Variants in PAPSS1 observed in about 807,000 individuals in gnomAD.
PAPSS1 encodes bifunctional 3'-phosphoadenosine 5'-phosphosulfate synthase 1.
Under a neutral mutation model 72.0 loss-of-function variants are expected in PAPSS1, and 50 were observed. That is an observed-to-expected ratio of 0.69 (90% confidence interval 0.55 to 0.88). The LOEUF is 0.88. Ranked by LOEUF, PAPSS1 falls within the 40% of genes least tolerant of loss-of-function variation. The pLI is 0.00. For missense variants in PAPSS1, 657 were observed against 782.2 expected, an observed-to-expected ratio of 0.84 and a Z score of 1.91; for synonymous variants, 261 against 263.6, an observed-to-expected ratio of 0.99 and a Z score of 0.09.
At chr4:107,685,336 C>G (rs1310590265) in intron 4 of PAPSS1, among the ~76,000 whole-genome samples, 1 of 152,100 alleles carries the variant, frequency 6.6e-6, no homozygotes, top group Non-Finnish European at 1.5e-5. Flanking sequence ...CACAAGTAGC[C>G]TACTCCAGCC....
chr4:107,685,344 G>A (rs1722752749), intron 4 of PAPSS1, among the ~76,000 whole-genome samples: 1 of 152,118 alleles, frequency 6.6e-6, no homozygotes, highest in Admixed American at 6.6e-5. Flanking sequence ...GCCTACTCCA[G>A]CCAGGATGAC....
At chr4:107,703,383 T>C (rs1723254331) in intron 1 of PAPSS1, among the ~76,000 whole-genome samples, 3 of 150,190 alleles carry the variant, frequency 2.0e-5, no homozygotes, top group African/African-American at 4.9e-5. Flanking sequence ...TCTATTTTCA[T>C]GTTTGTTGCT....
chr4:107,684,972 T>C (rs529373592), intron 4 of PAPSS1, among the ~76,000 whole-genome samples: 85 of 152,164 alleles, frequency 5.6e-4, no homozygotes, highest in East Asian at 9.7e-4. Context: ...GTGGCACAAT[T>C]TCGGCTCACT....
intron 10 of PAPSS1, among the ~76,000 whole-genome samples, chr4:107,639,398 T>C (rs1421261319): frequency 6.6e-6 from 1 of 152,178 alleles, no homozygotes; most frequent in Non-Finnish European, 1.5e-5. Flanking sequence ...AACTCAGTTT[T>C]GTAACTCACT....
intron 5 of PAPSS1, 23 bp downstream of exon 5, chr4:107,681,992 T>C (rs753659389): frequency 8.6e-7 from 1 of 1,166,454 alleles, no homozygotes; most frequent in Non-Finnish European, 1.3e-6. Flanking sequence ...TCTCTGATGA[T>C]TCCTTCTTTC....
chr4:107,710,450 T>G (rs1338440397), intron 1 of PAPSS1, among the ~76,000 whole-genome samples: 1 of 152,202 alleles, frequency 6.6e-6, no homozygotes, highest in Non-Finnish European at 1.5e-5. Flanking sequence ...GCCTATATAT[T>G]ATTTCCTAGA....
At chr4:107,709,147 A>G (rs1723422700) in intron 1 of PAPSS1, among the ~76,000 whole-genome samples, 1 of 152,198 alleles carries the variant, frequency 6.6e-6, no homozygotes, top group Non-Finnish European at 1.5e-5. Flanking sequence ...TTTAAATTTA[A>G]TTCAGCTAAA....
At chr4:107,694,091 G>T in intron 2 of PAPSS1, 85 bp from the exon 3 acceptor site, 2 of 984,330 alleles carry the variant, frequency 2.0e-6, no homozygotes, top group Non-Finnish European at 3.0e-6. Flanking sequence ...CCAGAAACAA[G>T]AGTCTTGCTC....
At chr4:107,640,284 T>TC (rs897174920) in intron 10 of PAPSS1, among the ~76,000 whole-genome samples, 3 of 152,118 alleles carry the variant, frequency 2.0e-5, no homozygotes, top group Non-Finnish European at 4.4e-5. Context: ...CCTCCTCCAT[T>TC]CCTGAAATGG....
At position 107,720,231 on chromosome 4, in the gene PAPSS1, AGAG is replaced by A; in HGVS notation, c.-55_-53del. On this transcript the variant is annotated 5_prime_UTR_variant, in exon 1 of 12. Coordinates refer to ENST00000265174, the MANE Select transcript of PAPSS1 (RefSeq NM_005443.5). Reference sequence around the variant, plus strand: ...GGTTCTCTGCGCCGGGAGGGTAGCAAGAGGAGGGCAGGCCAGCGAGCGGGGCGG... The same window carrying A: ...GGTTCTCTGCGCCGGGAGGGTAGCAAGAGGGCAGGCCAGCGAGCGGGGCGG... 1 of 1,557,042 alleles carries A rather than the reference AGAG, an allele frequency of 6.4e-7. No homozygotes were observed. Among genetic ancestry groups the A allele is most frequent in the Non-Finnish European group, 8.7e-7 (1 of 1,147,218 alleles).
chr4:107,686,499 CAT>C (rs1157433135), intron 4 of PAPSS1, among the ~76,000 whole-genome samples: 1 of 152,140 alleles, frequency 6.6e-6, no homozygotes, highest in African/African-American at 2.4e-5. Context: ...TGAAACCACA[CAT>C]GTGGAATGCA....
chr4:107,687,991 A>C (rs1343803803), intron 3 of PAPSS1, among the ~76,000 whole-genome samples: 3 of 149,388 alleles, frequency 2.0e-5, no homozygotes, highest in Non-Finnish European at 4.5e-5. Flanking sequence ...AAAAAAAAAA[A>C]CAAATCTCCA....
intron 7 of PAPSS1, 96 bp downstream of exon 7, chr4:107,656,800 C>T (rs946902005): frequency 2.2e-5 from 18 of 819,926 alleles, no homozygotes; most frequent in Admixed American, 1.1e-4. Context: ...TCTATTAAGA[C>T]GTTACCCTAC....
At chr4:107,688,925 G>A (rs989573100) in intron 3 of PAPSS1, among the ~76,000 whole-genome samples, 4 of 152,020 alleles carry the variant, frequency 2.6e-5, no homozygotes, top group Admixed American at 1.3e-4. Flanking sequence ...CCCAAATCAA[G>A]GAAGACCACA....
At chr4:107,644,656 C>T (rs1726644562) in intron 10 of PAPSS1, 146 bp downstream of exon 10, 1 of 730,214 alleles carries the variant, frequency 1.4e-6, no homozygotes, top group African/African-American at 1.8e-5. Context: ...AGGGAATATC[C>T]CTAACGAGCA....
chr4:107,636,122 C>T (rs1426877938), intron 10 of PAPSS1, among the ~76,000 whole-genome samples: 1 of 152,032 alleles, frequency 6.6e-6, no homozygotes, highest in African/African-American at 2.4e-5. Flanking sequence ...GTCAAACAAC[C>T]CAAGCAATTT....
chr4:107,677,503 T>C (rs1260202717), intron 5 of PAPSS1, among the ~76,000 whole-genome samples: 1 of 152,172 alleles, frequency 6.6e-6, no homozygotes, highest in East Asian at 1.9e-4. Flanking sequence ...CTCACACCAG[T>C]TAGAATGGCG....
chr4:107,711,508 T>C (rs1723495357), intron 1 of PAPSS1, among the ~76,000 whole-genome samples: 1 of 152,252 alleles, frequency 6.6e-6, no homozygotes, highest in Admixed American at 6.5e-5. Context: ...TTGTGCATTT[T>C]TAAGTGAAAT....
intron 1 of PAPSS1, among the ~76,000 whole-genome samples, chr4:107,709,466 T>C (rs1723430856): frequency 6.6e-6 from 1 of 152,190 alleles, no homozygotes; most frequent in African/African-American, 2.4e-5. Context: ...AAACCATCTT[T>C]TAAAGCTAAT....
Sources: allele counts gnomAD v4.1 joint callset (sites outside exome capture counted in the v4.1 genomes callset), GRCh38; gene constraint gnomAD v4.1.1; transcripts MANE v1.5; gene names NCBI Gene and HGNC (gene_info 2026-07-23, HGNC 2026-07-21).